SZT2: variants seen among roughly 807,000 people sequenced by gnomAD.
The protein encoded by SZT2 is SZT2 subunit of KICSTOR complex.
Under a neutral mutation model 404.2 loss-of-function variants are expected in SZT2, and 216 were observed. The observed-to-expected ratio is 0.53, with a 90% CI of 0.48 to 0.60. The LOEUF is 0.60. Ranked by LOEUF, SZT2 falls within the 20% of genes least tolerant of loss-of-function variation. The pLI, the probability that SZT2 is intolerant of heterozygous loss-of-function variation, is 0.00. For missense variants in SZT2, 3,857 were observed against 4,459.2 expected (o/e 0.86, Z 3.85); for synonymous variants, 1,693 against 1,749.9 (o/e 0.97, Z 0.81).
In SZT2 at chr1:43,437,556, G is replaced by C. The variant is rs1654589797; in HGVS notation, c.6291-39G>C. The C allele has an allele frequency of 6.2e-7, 1 of 1,613,880 alleles. No individual in the cohort carries two copies. The highest frequency in any genetic ancestry group is 8.5e-7 in the Non-Finnish European group (1 of 1,179,934). On this transcript the variant is annotated intron_variant, in intron 44 of 71. Transcript: ENST00000634258. The surrounding 1 kb of genome is among the most constrained non-coding windows in gnomAD (Gnocchi z 5.3). ...GTAGGGCATGAATTAAGGATGGCCT[G>C]GGAGGAGGCATGTCCAAAGACATGC...
In SZT2 at chr1:43,442,468, T is replaced by C; in HGVS notation, c.8001T>C (p.Ala2667=). ...TACAGCTGCTGACCTACAACTGGGC[T>C]CCAGACCTGGGGGCAGCATTGGGCC... ...KKLQLLTYNW[A]PDLGAALGRA... Residue 2667 remains alanine (A), a synonymous_variant, in exon 58 of 72, where the codon GCT becomes GCC. Coordinates refer to ENST00000634258, the MANE Select transcript of SZT2 (RefSeq NM_001365999.1). The surrounding 1 kb of genome is among the most constrained non-coding windows in gnomAD (Gnocchi z 4.5). 1 of 1,613,768 alleles carries C rather than the reference T, an allele frequency of 6.2e-7. No individual in the cohort carries two copies. The highest frequency in any genetic ancestry group is 1.1e-5 in the South Asian group (1 of 91,030).
chr1:43,412,266 A>G (rs1651150503), intron 4 of SZT2: 2 of 152,254 alleles, frequency 1.3e-5, no homozygotes, highest in African/African-American at 2.4e-5. Flanking sequence ...AAAGAGATCA[A>G]CAGCTTCACC....
chr1:43,426,992 A>G lies in SZT2; in HGVS notation c.3310-64A>G. The G allele has an allele frequency of 6.2e-6, 10 of 1,601,762 alleles. No individual in the cohort carries two copies. Among genetic ancestry groups the G allele is most frequent in the African/African-American group, 1.3e-5 (1 of 74,666 alleles). Reference sequence around the variant, plus strand: ...CTAAGATGAGTCAGCTCTAGGGTGGAGGAGGGGAACAGGGGTTGGACATTC... The same window carrying G: ...CTAAGATGAGTCAGCTCTAGGGTGGGGGAGGGGAACAGGGGTTGGACATTC... On this transcript the variant is annotated intron_variant, in intron 23 of 71. Transcript: ENST00000634258. This position sits in a 1 kb window ranked among gnomAD's most constrained non-coding sequence, Gnocchi z 4.9.
At chr1:43,421,937 C>A in intron 11 of SZT2, 146 bp from the exon 12 acceptor site, 1 of 815,616 alleles carries the variant, frequency 1.2e-6, no homozygotes, top group Non-Finnish European at 1.8e-6. Context: ...ACAGTTTTTG[C>A]CTGTGCTTCA....
At position 43,446,255 on chromosome 1, in the gene SZT2, T is replaced by A; in HGVS notation, c.8993T>A (p.Phe2998Tyr). 6.2e-7 allele frequency: 1 copy of A among 1,614,224 alleles called. No individual in the cohort carries two copies. Among genetic ancestry groups the A allele is most frequent in the Non-Finnish European group, 8.5e-7 (1 of 1,180,036 alleles). Residue 2998 changes from phenylalanine (F) to tyrosine (Y), a missense_variant, in exon 64 of 72, where the codon TTC becomes TAC. By Grantham distance (22) the Phe-to-Tyr change is conservative. Transcript: ENST00000634258. Reference protein sequence around the residue: ...PGGIILMELAFQGCYFCVKQF... With the variant: ...PGGIILMELAYQGCYFCVKQF... ...GGCATCATCCTCATGGAACTGGCAT[T>A]CCAGGTAAGCAGGAGGAGCACTGAG...
rs780166843 is a variant in SZT2 at position 43,428,349 on chromosome 1, C to T, written c.4029C>T (p.Leu1343=). The change falls in exon 28 of 72, where the codon CTC becomes CTT. Residue 1343 remains leucine, a synonymous_variant. Coordinates refer to ENST00000634258, the MANE Select transcript of SZT2 (RefSeq NM_001365999.1). ...LLQEIDITPF[L]LALCGHTWGL... is the part of the protein sequence containing the mutation. ...AAGAAATAGACATCACCCCATTTCTCCTTGCATTGTGTGGCCACACTTGGG... is the reference window on the plus strand; with the variant it reads ...AAGAAATAGACATCACCCCATTTCTTCTTGCATTGTGTGGCCACACTTGGG... 2.5e-6 allele frequency: 4 copies of T among 1,614,078 alleles called. No individual in the cohort carries two copies. In the African/African-American group the frequency reaches 4.0e-5, roughly 16 times the overall value.
intron 40 of SZT2, 129 bp downstream of exon 40, chr1:43,433,319 T>G: frequency 1.1e-6 from 1 of 921,726 alleles, no homozygotes; most frequent in Non-Finnish European, 1.6e-6. Context: ...ATCCAACTTG[T>G]ATTCTTAGGT....
intron 1 of SZT2, among the ~76,000 whole-genome samples, chr1:43,393,862 C>G (rs1054357546): frequency 1.3e-5 from 2 of 152,166 alleles, no homozygotes; most frequent in African/African-American, 4.8e-5. Context: ...GCCTTCCTCT[C>G]CTGTTTAATT....
Position 43,442,721 on chromosome 1 carries a change from G to T in SZT2, c.8152-98G>T, listed in dbSNP as rs1279529795. On this transcript the variant is annotated intron_variant, in intron 58 of 71. Transcript: ENST00000634258. The surrounding 1 kb of genome is among the most constrained non-coding windows in gnomAD (Gnocchi z 4.5). ...AAAGATGGGACAGACTGAGGGCAGA[G>T]GTAGTGGGGAGGGAGAGTCTGAGAG... 6.5e-7 allele frequency: 1 copy of T among 1,535,520 alleles called. No homozygotes were observed. Among genetic ancestry groups the T allele is most frequent in the East Asian group, 2.3e-5 (1 of 44,280 alleles).
chr1:43,433,863 C>A (rs1654187861), intron 40 of SZT2, among the ~76,000 whole-genome samples: 1 of 152,232 alleles, frequency 6.6e-6, no homozygotes, highest in African/African-American at 2.4e-5. Context: ...TGAATCCACT[C>A]ATTTATCTAC....
rs199541874 is a variant in SZT2 at position 43,431,026 on chromosome 1, G to A, written c.4852G>A (p.Val1618Ile). 1.2e-6 allele frequency: 2 copies of A among 1,614,194 alleles called. No individual in the cohort carries two copies. The highest frequency in any genetic ancestry group is 2.7e-5 in the African/African-American group (2 of 75,062). ...GAGGGACCTCAGTGTGACTCTGGAT[G>A]TCTTCATGCTGACTTTGCCCCTGGA... ...PLRDLSVTLD[V>I]FMLTLPLEVE... Residue 1618 changes from valine (V) to isoleucine (I), a missense_variant, in exon 33 of 72, where the codon GTC becomes ATC. Coordinates refer to ENST00000634258, the MANE Select transcript of SZT2 (RefSeq NM_001365999.1).
intron 4 of SZT2, among the ~76,000 whole-genome samples, chr1:43,410,787 T>TTTGATG (rs1243960500): frequency 1.3e-5 from 2 of 151,936 alleles, no homozygotes; most frequent in Non-Finnish European, 2.9e-5. Flanking sequence ...ATCATCTCAC[T>TTTGATG]ACAGGCCTTT....
chr1:43,404,556 G>A lies in SZT2; in HGVS notation c.498+6G>A, dbSNP rs932647223. On this transcript the variant is annotated splice_donor_region_variant and intron_variant, in intron 4 of 71. Transcript: ENST00000634258. ...TTGGACTGCAGTCCCACCAGGTATT[G>A]CATCATCTCTCCAAGTTTGTACCCT... The A allele has an allele frequency of 6.2e-6, 10 of 1,611,218 alleles. No individual in the cohort carries two copies. The East Asian group carries it at 2.0e-4, about 32-fold the overall frequency.
At chr1:43,440,074 G>C (rs923817675) in intron 51 of SZT2, 26 bp downstream of exon 51, 2 of 1,613,248 alleles carry the variant, frequency 1.2e-6, no homozygotes, top group African/African-American at 1.3e-5. Context: ...GGTCCCTGGG[G>C]TCCAGAGAAT....
In SZT2 at chr1:43,438,681, C is replaced by CACCATGGCTTG; in HGVS notation, c.6509-9_6509-8insTGACCATGGCT. 6.2e-7 allele frequency: 1 copy of CACCATGGCTTG among 1,612,382 alleles called. No homozygotes were observed. Reference sequence around the variant, plus strand: ...TCCTCTACCAGTGTCCCCACCTTCCCACCATGGCTGTGTCAAGGTCCTGAG... The same window carrying CACCATGGCTTG: ...TCCTCTACCAGTGTCCCCACCTTCCCACCATGGCTTGACCATGGCTGTGTCAAGGTCCTGAG... On this transcript the variant is annotated splice_polypyrimidine_tract_variant and intron_variant, in intron 46 of 71. Transcript: ENST00000634258.
chr1:43,415,851 G>C (rs1651656479), intron 5 of SZT2, 109 bp from the exon 6 acceptor site: 1 of 1,307,934 alleles, frequency 7.6e-7, no homozygotes, highest in Non-Finnish European at 1.0e-6. Context: ...GTTCTCACAG[G>C]ATTCGGCCTG....
Position 43,389,912 on chromosome 1 carries a change from C to T in SZT2, c.-57C>T, listed in dbSNP as rs1460618537. On this transcript the variant is annotated 5_prime_UTR_variant, in exon 1 of 72. Coordinates refer to ENST00000634258, the MANE Select transcript of SZT2 (RefSeq NM_001365999.1). ...CTGCTGGGTGCCGAGGTAGCGAGGT[C>T]AGGGGTCAAGAGTGGAACACCCTCA... 7.8e-6 allele frequency: 12 copies of T among 1,547,454 alleles called. No homozygotes were observed. Among genetic ancestry groups the T allele is most frequent in the African/African-American group, 1.4e-5 (1 of 72,806 alleles).
intron 1 of SZT2, among the ~76,000 whole-genome samples, chr1:43,399,950 A>G (rs1347685990): frequency 6.6e-6 from 1 of 151,198 alleles, no homozygotes; most frequent in Non-Finnish European, 1.5e-5. Context: ...ATTTTTATTT[A>G]TTTTTTGAGA....
At chr1:43,407,827 CTTTTTTTTTTTTT>C (rs1273177130) in intron 4 of SZT2, among the ~76,000 whole-genome samples, 1 of 94,466 alleles carries the variant, frequency 1.1e-5, no homozygotes, top group African/African-American at 3.8e-5. Flanking sequence ...AAATTCTAAC[CTTTTTTTTTTTTT>C]TTTTTTTTTT....
Sources: allele counts gnomAD v4.1 joint callset (sites outside exome capture counted in the v4.1 genomes callset), GRCh38; gene constraint gnomAD v4.1.1; non-coding constraint Gnocchi (gnomAD v3.1); transcripts MANE v1.5; gene names NCBI Gene and HGNC (gene_info 2026-07-23, HGNC 2026-07-21).